The following RERE variants were observed in gnomAD, a reference collection of about 807,000 sequenced individuals.
RERE encodes arginine-glutamic acid dipeptide repeats.
Under a neutral mutation model 146.1 loss-of-function variants are expected in RERE, and 40 were observed. The ratio of observed to expected loss-of-function variants is 0.27; its 90% CI spans 0.21 to 0.36. RERE has a LOEUF of 0.36. Among genes scored for constraint, RERE ranks in the 10% least tolerant of loss-of-function variants. The pLI, the probability that RERE is intolerant of heterozygous loss-of-function variation, is 1.00. For missense variants in RERE, 1,933 were observed against 2,138.7 expected, an observed-to-expected ratio of 0.90 and a Z score of 1.90; for synonymous variants, 1,003 against 866.0, an observed-to-expected ratio of 1.16 and a Z score of -2.78.
chr1:8,415,814 T>G (rs1441150706), intron 12 of RERE, among the ~76,000 whole-genome samples: 1 of 152,228 alleles, frequency 6.6e-6, no homozygotes, highest in Non-Finnish European at 1.5e-5. Flanking sequence ...GAACAAACTC[T>G]CAGCACAGGA....
At chr1:8,567,559 C>CAATA (rs1389137760) in intron 4 of RERE, among the ~76,000 whole-genome samples, 1 of 152,144 alleles carries the variant, frequency 6.6e-6, no homozygotes, top group African/African-American at 2.4e-5. Flanking sequence ...AAAAATCAAC[C>CAATA]AATATTTTGG....
chr1:8,373,066 G>C (rs1340884034), intron 12 of RERE, among the ~76,000 whole-genome samples: 2 of 152,236 alleles, frequency 1.3e-5, no homozygotes, highest in African/African-American at 4.8e-5. Context: ...GCAGACTGTA[G>C]TTACGTGATG....
intron 12 of RERE, among the ~76,000 whole-genome samples, chr1:8,376,714 T>C: frequency 6.6e-6 from 1 of 152,264 alleles, no homozygotes; most frequent in East Asian, 1.9e-4. Context: ...TGCCTGAGTC[T>C]AGATAAGGTA....
At chr1:8,631,824 A>G (rs1043307630) in intron 2 of RERE, among the ~76,000 whole-genome samples, 2 of 152,226 alleles carry the variant, frequency 1.3e-5, no homozygotes, top group African/African-American at 4.8e-5. Context: ...AGAGAATAAA[A>G]GTAATCCAAG....
intron 12 of RERE, among the ~76,000 whole-genome samples, chr1:8,386,007 T>A (rs1242492084): frequency 7.4e-5 from 3 of 40,544 alleles, no homozygotes; most frequent in East Asian, 5.3e-4. Context: ...TATATATATA[T>A]ATATATATAT....
intron 1 of RERE, among the ~76,000 whole-genome samples, chr1:8,665,470 G>A (rs1050209382): frequency 6.6e-6 from 1 of 152,172 alleles, no homozygotes; most frequent in African/African-American, 2.4e-5. Context: ...AGTAAAGAGG[G>A]CATTATGATG....
intron 10 of RERE, among the ~76,000 whole-genome samples, chr1:8,481,186 G>A (rs1048374116): frequency 5.9e-5 from 9 of 152,110 alleles, no homozygotes; most frequent in African/African-American, 1.9e-4. Context: ...GCGCGATCTC[G>A]GCTCACTGCA....
intron 12 of RERE, among the ~76,000 whole-genome samples, chr1:8,398,149 T>C (rs1570139663): frequency 6.6e-6 from 1 of 152,350 alleles, no homozygotes; most frequent in South Asian, 2.1e-4. Context: ...ATGTAGAGCA[T>C]TTCCACATGG....
chr1:8,403,825 C>CATTTTTTT (rs1643349802), intron 12 of RERE, among the ~76,000 whole-genome samples: 1 of 70,854 alleles, frequency 1.4e-5, no homozygotes, highest in Non-Finnish European at 2.5e-5. Flanking sequence ...AAAATCTTAG[C>CATTTTTTT]TTTTTTTTTT....
intron 8 of RERE, among the ~76,000 whole-genome samples, chr1:8,503,967 C>T (rs763471409): frequency 1.3e-4 from 20 of 151,064 alleles, no homozygotes; most frequent in Non-Finnish European, 2.2e-4. Flanking sequence ...ATTTGAGTCA[C>T]GGGAAAAAAA....
At position 8,495,104 on chromosome 1, in the gene RERE, C is replaced by T. The variant is rs761642420; in HGVS notation, c.1063G>A (p.Ala355Thr). Residue 355 changes from alanine to threonine, a missense_variant, in exon 10 of 23, where the codon GCA becomes ACA. This residue lies in a region of RERE where 260 missense variants were observed against 378.4 expected (regional missense o/e 0.69). Transcript: ENST00000400908. The stretch of plus-strand genomic sequence containing the variant: ...AGAGTGGTGTCATCCCGAGAGGCTG[C>T]GACACAGCCGTCCTCTGTAGAGCCT... ...DGGSTEDGCV[A>T]ASRDDTTLNA... 1.7e-5 allele frequency: 28 copies of T among 1,613,552 alleles called. No individual in the cohort carries two copies. Among genetic ancestry groups the T allele is most frequent in the East Asian group, 1.1e-4 (5 of 44,872 alleles).
At chr1:8,634,439 G>C (rs1647071612) in intron 2 of RERE, among the ~76,000 whole-genome samples, 1 of 152,218 alleles carries the variant, frequency 6.6e-6, no homozygotes, top group South Asian at 2.1e-4. Context: ...CTGTGCTCTT[G>C]TTTTATTGGC....
intron 1 of RERE, among the ~76,000 whole-genome samples, chr1:8,680,472 G>A (rs1638938451): frequency 6.6e-6 from 1 of 152,100 alleles, no homozygotes; most frequent in Non-Finnish European, 1.5e-5. Context: ...GAATGGAGAG[G>A]ATTCCATAGA....
At chr1:8,512,912 A>G (rs1297235778) in intron 7 of RERE, 1 of 152,430 alleles carries the variant, frequency 6.6e-6, no homozygotes, top group Non-Finnish European at 1.5e-5. Flanking sequence ...CCGGAGAGCC[A>G]CTTCCTAGAT....
intron 4 of RERE, among the ~76,000 whole-genome samples, chr1:8,607,079 G>A (rs186852081): frequency 7.8e-4 from 118 of 152,202 alleles, no homozygotes; most frequent in African/African-American, 2.7e-3. Context: ...AGATATTGCC[G>A]GCCAGACGCA....
At chr1:8,374,456 T>C (rs990035468) in intron 12 of RERE, among the ~76,000 whole-genome samples, 3 of 152,338 alleles carry the variant, frequency 2.0e-5, no homozygotes, top group African/African-American at 2.4e-5. Context: ...CACTGAACAC[T>C]GTAATGAGAT....
rs576007946 is a variant in RERE at position 8,389,789 on chromosome 1, A to C, written c.1285-23815T>G. ...ATAAAACAATCCGTCAGCTAAGTGC[A>C]CGTTGTTTTGTATACATTAATAGTT... On this transcript the variant is annotated intron_variant, in intron 12 of 22. Coordinates refer to ENST00000400908, the MANE Select transcript of RERE (RefSeq NM_001042681.2). Among the ~76,000 whole-genome samples, 6 of 152,336 alleles carry C rather than the reference A, an allele frequency of 3.9e-5. No homozygotes were observed. The South Asian group carries it at 1.2e-3, about 32-fold the overall frequency.
rs201341975 is a variant in RERE at position 8,662,648 on chromosome 1, G to C, written c.-144-6207C>G. Among the ~76,000 whole-genome samples the C allele has an allele frequency of 3.9e-5, 6 of 152,238 alleles. No homozygotes were observed. The East Asian group carries it at 9.6e-4, about 24-fold the overall frequency. On this transcript the variant is annotated intron_variant, in intron 1 of 22. Coordinates refer to ENST00000400908, the MANE Select transcript of RERE (RefSeq NM_001042681.2). ...AGAGTTCAAGGCTACAATGGGCTGTGATCACCACCACTGCACTCCAGCCTA... is the reference window on the plus strand; with the variant it reads ...AGAGTTCAAGGCTACAATGGGCTGTCATCACCACCACTGCACTCCAGCCTA...
intron 4 of RERE, among the ~76,000 whole-genome samples, chr1:8,607,268 G>C (rs754856259): frequency 1.3e-4 from 20 of 151,490 alleles, no homozygotes; most frequent in Non-Finnish European, 2.6e-4. Context: ...GCTGAGGTAG[G>C]AGGATCATCT....
Sources: allele counts gnomAD v4.1 joint callset (sites outside exome capture counted in the v4.1 genomes callset), GRCh38; gene constraint gnomAD v4.1.1; regional missense constraint gnomAD v4.1.1; transcripts MANE v1.5; gene names NCBI Gene and HGNC (gene_info 2026-07-23, HGNC 2026-07-21).